Variants in GFPT2 observed in about 807,000 individuals in gnomAD.
The protein encoded by GFPT2 is glutamine--fructose-6-phosphate transaminase 2.
GFPT2 carries 62 observed loss-of-function variants against 85.6 expected under a neutral mutation model. The ratio of observed to expected loss-of-function variants is 0.72; its 90% CI spans 0.59 to 0.90. The LOEUF (loss-of-function observed/expected upper bound fraction) is 0.90. Among genes scored for constraint, GFPT2 ranks in the 40% least tolerant of loss-of-function variants. The probability of loss-of-function intolerance (pLI) is 0.00; values close to 1 mark genes in which losing one functional copy is unlikely to be tolerated. For missense variants in GFPT2, 788 were observed against 893.4 expected (o/e 0.88, Z 1.50); for synonymous variants, 368 against 344.5 (o/e 1.07, Z -0.75).
chr5:180,345,765 T>G (rs1441593467), intron 1 of GFPT2, among the ~76,000 whole-genome samples: 3 of 152,116 alleles, frequency 2.0e-5, no homozygotes, highest in Non-Finnish European at 4.4e-5. Flanking sequence ...GATGGAGGAA[T>G]GCCAGAGAAG....
At chr5:180,325,926 G>A (rs994356268) in intron 7 of GFPT2, among the ~76,000 whole-genome samples, 1 of 152,182 alleles carries the variant, frequency 6.6e-6, no homozygotes, top group African/African-American at 2.4e-5. Flanking sequence ...TCTGGAGGCT[G>A]AGACAAGAGA....
chr5:180,314,334 T>G (rs1002095569), intron 13 of GFPT2, among the ~76,000 whole-genome samples: 1 of 152,154 alleles, frequency 6.6e-6, no homozygotes, highest in Non-Finnish European at 1.5e-5. Flanking sequence ...TAAGCTGCCT[T>G]ATTCAGAACG....
At chr5:180,352,966 C>G (rs1764746459) in intron 1 of GFPT2, 5 of 413,256 alleles carry the variant, frequency 1.2e-5, no homozygotes, top group Non-Finnish European at 8.5e-6. Flanking sequence ...GTCCCCCTCA[C>G]TGTGTCCGAG....
At position 180,318,945 on chromosome 5, in the gene GFPT2, T is replaced by C; in HGVS notation, c.806A>G (p.Glu269Gly). The C allele has an allele frequency of 6.2e-7, 1 of 1,612,830 alleles. No individual in the cohort carries two copies. The highest frequency in any genetic ancestry group is 8.5e-7 in the Non-Finnish European group (1 of 1,179,992). Reference protein sequence around the residue: ...FFASDASAIIEHTNRVIFLED... With the variant: ...FFASDASAIIGHTNRVIFLED... The stretch of plus-strand genomic sequence containing the variant: ...CAGGAAGATGACCCGGTTGGTGTGC[T>C]CTATGATAGCGCTGGGGCAAGGGAA... The change falls in exon 10 of 19, where the codon GAG becomes GGG. Residue 269 changes from glutamate (E) to glycine (G), a missense_variant. Physicochemically the swap from Glu to Gly is moderately conservative, Grantham distance 98. Coordinates refer to ENST00000253778, the MANE Select transcript of GFPT2 (RefSeq NM_005110.4). The surrounding 1 kb of genome is among the most constrained non-coding windows in gnomAD (Gnocchi z 4.2).
intron 13 of GFPT2, among the ~76,000 whole-genome samples, chr5:180,315,852 ACT>A (rs1763996260): frequency 6.6e-6 from 1 of 152,166 alleles, no homozygotes; most frequent in Non-Finnish European, 1.5e-5. Context: ...AAAAGGGAGC[ACT>A]GTCTCCCCCA....
At chr5:180,336,379 G>A in intron 3 of GFPT2, 100 bp downstream of exon 3, 2 of 787,638 alleles carry the variant, frequency 2.5e-6, no homozygotes, top group South Asian at 2.8e-5. Flanking sequence ...ATCTGAGCTG[G>A]GACAAAGGAG....
chr5:180,327,386 C>T (rs1764227641), intron 7 of GFPT2, among the ~76,000 whole-genome samples: 1 of 152,246 alleles, frequency 6.6e-6, no homozygotes, highest in African/African-American at 2.4e-5. Flanking sequence ...TTGCACCATG[C>T]CCCCACCTTG....
At chr5:180,347,484 C>A (rs955381720) in intron 1 of GFPT2, among the ~76,000 whole-genome samples, 2 of 152,100 alleles carry the variant, frequency 1.3e-5, no homozygotes, top group African/African-American at 4.8e-5. Context: ...GGAGAGGGAC[C>A]GAGAAAAACT....
intron 1 of GFPT2, among the ~76,000 whole-genome samples, chr5:180,345,350 C>G (rs1287270320): frequency 6.6e-6 from 1 of 152,266 alleles, no homozygotes; most frequent in Non-Finnish European, 1.5e-5. Flanking sequence ...GTGCTGCAAG[C>G]TACTGGGATG....
At chr5:180,305,983 CTTTTT>C (rs59887076) in intron 16 of GFPT2, among the ~76,000 whole-genome samples, 1 of 138,756 alleles carries the variant, frequency 7.2e-6, no homozygotes, top group Admixed American at 7.3e-5. Flanking sequence ...TTCTTTCTTT[CTTTTT>C]TTTTTTTTTC....
At chr5:180,334,917 A>G (rs1049442102) in intron 4 of GFPT2, among the ~76,000 whole-genome samples, 1 of 152,230 alleles carries the variant, frequency 6.6e-6, no homozygotes, top group Non-Finnish European at 1.5e-5. Flanking sequence ...AACTGCCACC[A>G]GGAGCTGCAG....
At chr5:180,337,927 G>A (rs1764432969) in intron 2 of GFPT2, among the ~76,000 whole-genome samples, 1 of 152,102 alleles carries the variant, frequency 6.6e-6, no homozygotes, top group Non-Finnish European at 1.5e-5. Flanking sequence ...CAGGAGGATC[G>A]CTTGGGGCTA....
intron 1 of GFPT2, among the ~76,000 whole-genome samples, chr5:180,345,078 C>A (rs559273680): frequency 6.6e-6 from 1 of 152,380 alleles, no homozygotes; most frequent in Non-Finnish European, 1.5e-5. Context: ...AATGTTCGGA[C>A]CTCAGTTTCC....
intron 1 of GFPT2, among the ~76,000 whole-genome samples, chr5:180,345,186 AG>A (rs1467061482): frequency 6.6e-6 from 1 of 152,274 alleles, no homozygotes; most frequent in African/African-American, 2.4e-5. Flanking sequence ...AATAAAACCA[AG>A]GGGGAAATAG....
intron 15 of GFPT2, among the ~76,000 whole-genome samples, chr5:180,308,092 T>G (rs1158104348): frequency 6.6e-6 from 1 of 152,036 alleles, no homozygotes; most frequent in Non-Finnish European, 1.5e-5. Context: ...TGGTATCTAC[T>G]AAAAATACAA....
intron 4 of GFPT2, among the ~76,000 whole-genome samples, chr5:180,332,042 T>C (rs1359983236): frequency 1.3e-5 from 2 of 152,218 alleles, no homozygotes; most frequent in Non-Finnish European, 2.9e-5. Flanking sequence ...AAATTCTGAG[T>C]GTTCACTTTA....
At chr5:180,307,335 C>G (rs776486357) in intron 15 of GFPT2, 32 bp from the exon 16 acceptor site, 1 of 1,611,618 alleles carries the variant, frequency 6.2e-7, no homozygotes, top group Non-Finnish European at 8.5e-7. Flanking sequence ...GGGAGAAAAC[C>G]AGTCAGGCCG....
At chr5:180,352,846 G>A (rs1764743338) in intron 1 of GFPT2, 2 of 384,050 alleles carry the variant, frequency 5.2e-6, no homozygotes, top group Admixed American at 5.1e-5. Flanking sequence ...GTGGGCGACT[G>A]GGAGACGTGG....
intron 1 of GFPT2, chr5:180,352,890 C>A (rs1337838931): frequency 4.4e-6 from 2 of 450,732 alleles, no homozygotes; most frequent in Non-Finnish European, 7.9e-6. Context: ...GGGGTGGGGA[C>A]CCCTCTGTTA....
Sources: allele counts gnomAD v4.1 joint callset (sites outside exome capture counted in the v4.1 genomes callset), GRCh38; gene constraint gnomAD v4.1.1; non-coding constraint Gnocchi (gnomAD v3.1); transcripts MANE v1.5; gene names NCBI Gene and HGNC (gene_info 2026-07-23, HGNC 2026-07-21).